Variants in ATP9B observed in about 807,000 individuals in gnomAD.
ATP9B encodes the protein probable phospholipid-transporting ATPase IIB.
Under a neutral mutation model 146.1 loss-of-function variants are expected in ATP9B, and 110 were observed. The ratio of observed to expected loss-of-function variants is 0.75; its 90% CI spans 0.65 to 0.88. The LOEUF is 0.88. Ranked by LOEUF, ATP9B falls within the 40% of genes least tolerant of loss-of-function variation. The pLI, the probability that ATP9B is intolerant of heterozygous loss-of-function variation, is 0.00. For missense variants in ATP9B, 1,499 were observed against 1,496.4 expected (o/e 1.00, Z -0.03); for synonymous variants, 604 against 569.7 (o/e 1.06, Z -0.86).
intron 2 of ATP9B, among the ~76,000 whole-genome samples, chr18:79,103,750 T>G (rs2146889120): frequency 6.6e-6 from 1 of 152,274 alleles, no homozygotes. Context: ...TGTATTGAAC[T>G]TGGCATAAAT....
intron 15 of ATP9B, among the ~76,000 whole-genome samples, chr18:79,317,827 G>A (rs2096690144): frequency 6.6e-6 from 1 of 152,194 alleles, no homozygotes; most frequent in Non-Finnish European, 1.5e-5. Context: ...AGAAATGGCT[G>A]ATTCTAGAAC....
chr18:79,319,595 A>G (rs932238066), intron 15 of ATP9B, among the ~76,000 whole-genome samples: 6 of 152,176 alleles, frequency 3.9e-5, no homozygotes, highest in Non-Finnish European at 1.5e-5. Flanking sequence ...ACTTAACATG[A>G]CAAGTCCTGT....
intron 9 of ATP9B, among the ~76,000 whole-genome samples, chr18:79,198,328 C>T (rs1231506230): frequency 6.6e-6 from 1 of 152,018 alleles, no homozygotes; most frequent in Non-Finnish European, 1.5e-5. Flanking sequence ...AAATAGATAC[C>T]GTACCAACAC....
chr18:79,165,510 T>C (rs72994269), intron 7 of ATP9B, among the ~76,000 whole-genome samples: 1,590 of 152,372 alleles, frequency 0.01, 24 homozygotes, highest in Non-Finnish European at 0.014. Flanking sequence ...GTTGAAAACC[T>C]ATGGAGGGCT....
chr18:79,223,274 A>G (rs2095698210), intron 11 of ATP9B, among the ~76,000 whole-genome samples: 2 of 152,254 alleles, frequency 1.3e-5, no homozygotes, highest in South Asian at 4.1e-4. Context: ...TTTAAAAAAG[A>G]TAATTTATTA....
intron 15 of ATP9B, among the ~76,000 whole-genome samples, chr18:79,327,556 C>A (rs982045403): frequency 9.3e-6 from 1 of 107,070 alleles, no homozygotes; most frequent in East Asian, 2.5e-4. Flanking sequence ...CCGTGGTTAG[C>A]GTGCTCTCCG....
intron 8 of ATP9B, among the ~76,000 whole-genome samples, chr18:79,189,353 A>AG (rs1173649836): frequency 3.3e-5 from 5 of 152,030 alleles, no homozygotes; most frequent in African/African-American, 1.2e-4. Flanking sequence ...TCAAAAAAAA[A>AG]AGATAATTTT....
intron 11 of ATP9B, among the ~76,000 whole-genome samples, chr18:79,247,465 C>A (rs1000305369): frequency 6.6e-6 from 1 of 152,134 alleles, no homozygotes; most frequent in African/African-American, 2.4e-5. Flanking sequence ...GAGAAGATAA[C>A]CTCATTCTGC....
intron 1 of ATP9B, chr18:79,085,785 T>C (rs1225358578): frequency 6.6e-6 from 1 of 152,184 alleles, no homozygotes; most frequent in Non-Finnish European, 1.5e-5. Context: ...AATCTTACAA[T>C]AGTTAAGTGT....
chr18:79,334,791 C>T (rs1380255691), intron 17 of ATP9B, among the ~76,000 whole-genome samples: 4 of 150,838 alleles, frequency 2.7e-5, no homozygotes, highest in Non-Finnish European at 5.9e-5. Context: ...CCACCCCCCC[C>T]TTGTGCCGGA....
chr18:79,256,731 C>T (rs114777993), intron 12 of ATP9B, among the ~76,000 whole-genome samples: 2 of 152,070 alleles, frequency 1.3e-5, no homozygotes, highest in Admixed American at 6.5e-5. Flanking sequence ...CACTTACATG[C>T]TTTATTTAGT....
At chr18:79,377,202 A>G (rs1110784) in intron 29 of ATP9B, 45 bp from the exon 30 acceptor site, 1,405,480 of 1,604,880 alleles carry the variant, frequency 0.88, 616,818 homozygotes, top group East Asian at 1. Flanking sequence ...AGGGCCCAGG[A>G]CTTCTTGGTC....
At chr18:79,134,139 G>T (rs752342544) in intron 5 of ATP9B, among the ~76,000 whole-genome samples, 1 of 152,172 alleles carries the variant, frequency 6.6e-6, no homozygotes, top group African/African-American at 2.4e-5. Flanking sequence ...AAGTGTGGTT[G>T]TACTGGTTTT....
intron 6 of ATP9B, among the ~76,000 whole-genome samples, 157 bp from the exon 7 acceptor site, chr18:79,154,347 A>G (rs551742017): frequency 6.6e-6 from 1 of 152,328 alleles, no homozygotes; most frequent in African/African-American, 2.4e-5. Context: ...GTGAATTAAA[A>G]TATCAATTTT....
At chr18:79,108,037 GTGTGC>G (rs1339533915) in intron 2 of ATP9B, among the ~76,000 whole-genome samples, 2 of 152,214 alleles carry the variant, frequency 1.3e-5, no homozygotes, top group Non-Finnish European at 2.9e-5. Context: ...CACTAGGAGT[GTGTGC>G]TGTCACCAGA....
chr18:79,181,619 C>T (rs2095253387), intron 8 of ATP9B, among the ~76,000 whole-genome samples: 1 of 151,912 alleles, frequency 6.6e-6, no homozygotes, highest in Admixed American at 6.6e-5. Flanking sequence ...CCTTCTGTAA[C>T]TCAATTTTGA....
chr18:79,096,372 T>C lies in ATP9B; in HGVS notation c.120-104T>C, dbSNP rs2074781103. ...GCAGTCTTATTTATAATGCTTTCCC[T>C]CAGCTGAAGACAGCCTAATTTGAGG... On this transcript the variant is annotated intron_variant, in intron 1 of 29. Coordinates refer to ENST00000426216, the MANE Select transcript of ATP9B (RefSeq NM_198531.5). The C allele has an allele frequency of 4.6e-6, 5 of 1,084,012 alleles. No individual in the cohort carries two copies. In the East Asian group the frequency reaches 9.7e-5, roughly 21 times the overall value. 67.1% of individuals were successfully genotyped at this position (1,084,012 alleles called of 1,614,324 possible). A position where few individuals can be genotyped will look rare whatever the true frequency, so the allele number is the denominator to read the frequency against.
chr18:79,324,913 T>C lies in ATP9B; in HGVS notation c.1774-4228T>C, dbSNP rs116274909. ...TTCGGGCTGAGGAGAAATTCCAACA[T>C]TGTACATAGTCATTCCTCCTTCAGA... is the stretch of plus-strand genomic sequence containing the variant. On this transcript the variant is annotated intron_variant, in intron 15 of 29. Transcript: ENST00000426216. 9.0e-3 allele frequency among the ~76,000 whole-genome samples: 1,371 copies of C among 152,324 alleles called. 8 individuals carry two copies. Among genetic ancestry groups the C allele is most frequent in the African/African-American group, 0.023 (966 of 41,570 alleles).
chr18:79,130,925 C>G (rs181777929), intron 5 of ATP9B, among the ~76,000 whole-genome samples: 1 of 152,306 alleles, frequency 6.6e-6, no homozygotes, highest in African/African-American at 2.4e-5. Flanking sequence ...CTTTGGGAGG[C>G]CGAGGCAGGT....
Sources: gnomAD v4.1 joint callset for allele counts (sites outside exome capture counted in the v4.1 genomes callset) on GRCh38, gnomAD v4.1.1 for gene constraint, MANE v1.5 for transcripts, NCBI Gene and HGNC (gene_info 2026-07-23, HGNC 2026-07-21) for gene names.